LRPPRC: variants seen among roughly 807,000 people sequenced by gnomAD.
LRPPRC encodes the protein leucine rich pentatricopeptide repeat containing.
A neutral mutation model predicts 180.3 loss-of-function variants in LRPPRC; 120 were observed. The observed-to-expected ratio is 0.67, with a 90% CI of 0.57 to 0.77. LRPPRC has a LOEUF of 0.77. Among genes scored for constraint, LRPPRC ranks in the 30% least tolerant of loss-of-function variants. LRPPRC has a pLI of 0.00. For missense variants in LRPPRC, 2,012 were observed against 1,657.2 expected (o/e 1.21, Z -3.72); for synonymous variants, 723 against 600.0 (o/e 1.21, Z -3.00).
At chr2:43,939,256 G>C (rs1181591305) in intron 23 of LRPPRC, among the ~76,000 whole-genome samples, 1 of 151,816 alleles carries the variant, frequency 6.6e-6, no homozygotes, top group Non-Finnish European at 1.5e-5. Context: ...ACTCCAGCCT[G>C]GGAGACAGCA....
rs1489728808 is a variant in LRPPRC, at chr2:43,949,485, T to C, written c.1735+117A>G. On this transcript the variant is annotated intron_variant, in intron 16 of 37. Coordinates refer to ENST00000260665, the MANE Select transcript of LRPPRC (RefSeq NM_133259.4). ...ATCAATATAAAGATTTATAACCAAA[T>C]GTTTTCAAATTCCACTTTAAAAAAT... 16 of 753,434 alleles carry C rather than the reference T, an allele frequency of 2.1e-5. No homozygotes were observed. The East Asian group carries it at 2.9e-4, about 14-fold the overall frequency. The allele number at this position is 753,434 out of a possible 1,614,324, so 46.7% of individuals were successfully genotyped here.
intron 33 of LRPPRC, 52 bp from the exon 34 acceptor site, chr2:43,899,386 C>T (rs774051025): frequency 5.0e-6 from 8 of 1,600,520 alleles, no homozygotes; most frequent in Non-Finnish European, 6.0e-6. Context: ...TGGTATAACT[C>T]ACCTACCAAA....
rs1674052047 is a variant in LRPPRC at position 43,976,298 on chromosome 2, T to C, written c.651-69A>G. On this transcript the variant is annotated intron_variant, in intron 5 of 37. Transcript: ENST00000260665. ...AACACTCTTTACAACATGTACAGAA[T>C]TAGGCCTTGAGTTACTTTTGTTTTT... The C allele has an allele frequency of 3.5e-6, 3 of 864,320 alleles. No individual in the cohort carries two copies. The South Asian group carries it at 4.1e-5, about 12-fold the overall frequency. 53.5% of individuals were successfully genotyped at this position (864,320 alleles called of 1,614,324 possible). A position where few individuals can be genotyped will look rare whatever the true frequency, so the allele number is the denominator to read the frequency against.
chr2:43,980,705 T>G (rs925305060), intron 2 of LRPPRC, among the ~76,000 whole-genome samples: 5 of 152,208 alleles, frequency 3.3e-5, no homozygotes, highest in Non-Finnish European at 4.4e-5. Context: ...TCTGTAAGCT[T>G]TATCTACATA....
chr2:43,964,333 T>A (rs1218282121), intron 11 of LRPPRC, among the ~76,000 whole-genome samples: 1 of 152,220 alleles, frequency 6.6e-6, no homozygotes, highest in Non-Finnish European at 1.5e-5. Context: ...TTTCATGTTT[T>A]CAGAGCTACA....
rs1673454861 is a variant in LRPPRC at position 43,963,910 on chromosome 2, C to T, written c.1370-204G>A. 8.4e-6 allele frequency: 5 copies of T among 592,978 alleles called. No homozygotes were observed. In the South Asian group the frequency reaches 1.0e-4, roughly 12 times the overall value. The allele number at this position is 592,978 out of a possible 1,614,324, so 36.7% of individuals were successfully genotyped here. A position where few individuals can be genotyped will look rare whatever the true frequency, so the allele number is the denominator to read the frequency against. On this transcript the variant is annotated intron_variant, in intron 11 of 37. Transcript: ENST00000260665. ...CCTTTCTTCATCCCCCTCTGTGAAA[C>T]AGTAAATTTCAAGAAACTATCCTTG... is the stretch of plus-strand genomic sequence containing the variant.
chr2:43,949,658 A>T lies in LRPPRC; in HGVS notation c.1679T>A (p.Ile560Lys), dbSNP rs754142837. 1.2e-6 allele frequency: 2 copies of T among 1,612,200 alleles called. No homozygotes were observed. Among genetic ancestry groups the T allele is most frequent in the Non-Finnish European group, 1.7e-6 (2 of 1,178,250 alleles). Residue 560 changes from isoleucine (I) to lysine (K), a missense_variant and splice_region_variant, in exon 16 of 38, where the codon ATA (isoleucine) becomes AAA (lysine). Physicochemically the swap from Ile to Lys is moderately radical, Grantham distance 102. Transcript: ENST00000260665. ...RSMNINLWSE[I>K]TELLYKDGRY... ...TCCATCCTTGTACAACAATTCTGTTATCTGGTAAGACAGAAAATTCGTGCA... is the reference window on the plus strand; with the variant it reads ...TCCATCCTTGTACAACAATTCTGTTTTCTGGTAAGACAGAAAATTCGTGCA...
chr2:43,956,013 C>T (rs192850836), intron 14 of LRPPRC, among the ~76,000 whole-genome samples: 7 of 150,884 alleles, frequency 4.6e-5, no homozygotes, highest in East Asian at 3.9e-4. Context: ...CAATGTAAGA[C>T]GTGCCCATCA....
chr2:43,932,507 A>G (rs943737398), intron 25 of LRPPRC, among the ~76,000 whole-genome samples: 1 of 152,204 alleles, frequency 6.6e-6, no homozygotes, highest in Non-Finnish European at 1.5e-5. Context: ...ATCAGCAGAC[A>G]GCCATTCCTA....
At chr2:43,930,108 G>A (rs1464476480) in intron 25 of LRPPRC, among the ~76,000 whole-genome samples, 3 of 152,136 alleles carry the variant, frequency 2.0e-5, no homozygotes, top group Non-Finnish European at 4.4e-5. Context: ...CAAAGACTGG[G>A]AGATCACTGG....
At chr2:43,971,601 A>C (rs1205679970) in intron 11 of LRPPRC, among the ~76,000 whole-genome samples, 1 of 150,114 alleles carries the variant, frequency 6.7e-6, no homozygotes, top group African/African-American at 2.5e-5. Flanking sequence ...CTGATCCCCA[A>C]ATATCTTTGA....
chr2:43,946,458 G>T (rs1468578568), intron 20 of LRPPRC, among the ~76,000 whole-genome samples: 1 of 151,980 alleles, frequency 6.6e-6, no homozygotes, highest in African/African-American at 2.4e-5. Context: ...TGTGTTATCT[G>T]TAATATAAAA....
intron 18 of LRPPRC, 54 bp from the exon 19 acceptor site, chr2:43,947,829 T>C (rs35768060): frequency 8.8e-7 from 1 of 1,137,548 alleles, no homozygotes; most frequent in East Asian, 2.3e-5. Context: ...TAAAAATACA[T>C]CAGCAAACAT....
chr2:43,900,997 GACAA>G (rs970284273), intron 32 of LRPPRC, among the ~76,000 whole-genome samples: 1 of 152,066 alleles, frequency 6.6e-6, no homozygotes, highest in African/African-American at 2.4e-5. Context: ...AAATATTACT[GACAA>G]ACAAATGAGA....
chr2:43,927,060 C>G (rs145642428), intron 25 of LRPPRC, among the ~76,000 whole-genome samples: 1 of 152,334 alleles, frequency 6.6e-6, no homozygotes, highest in African/African-American at 2.4e-5. Context: ...ACCATTTCAA[C>G]ATAATTCCAA....
intron 30 of LRPPRC, 79 bp from the exon 31 acceptor site, chr2:43,905,859 ATTATAAAAACTACTGT>A: frequency 1.0e-6 from 1 of 958,242 alleles, no homozygotes; most frequent in South Asian, 1.3e-5. Context: ...CCAAGGTGAA[ATTATAAAAACTACTGT>A]TCGTATGTTA....
intron 2 of LRPPRC, 51 bp from the exon 3 acceptor site, chr2:43,979,999 T>A: frequency 1.3e-6 from 2 of 1,552,974 alleles, no homozygotes; most frequent in Non-Finnish European, 1.8e-6. Flanking sequence ...CAATATCACA[T>A]AGATAAATAT....
intron 13 of LRPPRC, among the ~76,000 whole-genome samples, chr2:43,960,168 A>ACC (rs970268719): frequency 2.0e-5 from 3 of 152,192 alleles, no homozygotes; most frequent in Non-Finnish European, 4.4e-5. Context: ...CAGAAACAAT[A>ACC]CCGCATTTGA....
intron 37 of LRPPRC, among the ~76,000 whole-genome samples, chr2:43,889,427 CTACAGGCCATTAAATCCTAT>C (rs1040093065): frequency 1.3e-5 from 2 of 149,098 alleles, no homozygotes; most frequent in African/African-American, 5.0e-5. Context: ...GGCTGTTGAA[CTACAGGCCATTAAATCCTAT>C]TTCAAGTTGA....
Sources: allele counts gnomAD v4.1 joint callset (sites outside exome capture counted in the v4.1 genomes callset), GRCh38; gene constraint gnomAD v4.1.1; transcripts MANE v1.5; gene names NCBI Gene and HGNC (gene_info 2026-07-23, HGNC 2026-07-21).